Variants in MYRF observed in about 807,000 individuals in gnomAD.
The protein encoded by MYRF is myelin regulatory factor.
MYRF carries 16 observed loss-of-function variants against 126.3 expected under a neutral mutation model. The ratio of observed to expected loss-of-function variants is 0.13; its 90% CI spans 0.09 to 0.19. The LOEUF is 0.19. MYRF is among the 10% of genes least tolerant of loss of function. MYRF has a pLI of 1.00. For missense variants in MYRF, 1,104 were observed against 1,547.0 expected, an observed-to-expected ratio of 0.71 and a Z score of 4.80; for synonymous variants, 608 against 635.3, an observed-to-expected ratio of 0.96 and a Z score of 0.65.
chr11:61,763,543 C>A (rs2065960743), intron 1 of MYRF, among the ~76,000 whole-genome samples: 1 of 152,210 alleles, frequency 6.6e-6, no homozygotes, highest in East Asian at 1.9e-4. Flanking sequence ...AGGTGAAGAG[C>A]CTGCAGGATG....
At position 61,778,641 on chromosome 11, in the gene MYRF, C is replaced by A; in HGVS notation, c.2013+152C>A. ...TGCCTCCAGAGCGCCCTCTGCACCC[C>A]ACAGGGAAGGGGTGAGTGTTCAAGG... On this transcript the variant is annotated intron_variant, in intron 14 of 26. Coordinates refer to ENST00000278836, the MANE Select transcript of MYRF (RefSeq NM_001127392.3). This position sits in a 1 kb window ranked among gnomAD's most constrained non-coding sequence, Gnocchi z 4.6. 1.5e-6 allele frequency: 1 copy of A among 678,972 alleles called. No homozygotes were observed. Among genetic ancestry groups the A allele is most frequent in the Non-Finnish European group, 2.7e-6 (1 of 371,492 alleles). The allele number at this position is 678,972 out of a possible 1,614,324, so 42.1% of individuals were successfully genotyped here.
In MYRF at chr11:61,769,463, G is replaced by A. The variant is rs138572049; in HGVS notation, c.460+142G>A. 1.7e-4 allele frequency: 113 copies of A among 677,362 alleles called. 1 individual carries two copies. In the East Asian group the frequency reaches 2.7e-3, roughly 16 times the overall value. The allele number at this position is 677,362 out of a possible 1,614,324, so 42.0% of individuals were successfully genotyped here. On this transcript the variant is annotated intron_variant, in intron 4 of 26. Coordinates refer to ENST00000278836, the MANE Select transcript of MYRF (RefSeq NM_001127392.3). ...TATCGCTGGTCAAATACTCCCTGGC[G>A]CTTGGCTATTGTTTCCCCACGGGCG...
At chr11:61,784,107 G>T in intron 24 of MYRF, 173 bp from the exon 25 acceptor site, 1 of 957,756 alleles carries the variant, frequency 1.0e-6, no homozygotes, top group South Asian at 1.6e-5. Flanking sequence ...GGCCTCATGG[G>T]CTGAGGACCA....
Position 61,776,699 on chromosome 11 carries a change from T to A in MYRF, c.1500-88T>A, listed in dbSNP as rs1010697734. ...CGGGTTCCTCCTCTGTAGGAGGGGG[T>A]GAGATGAACATGCATCTGGCCAGGG... On this transcript the variant is annotated intron_variant, in intron 10 of 26. Coordinates refer to ENST00000278836, the MANE Select transcript of MYRF (RefSeq NM_001127392.3). The surrounding 1 kb of genome is among the most constrained non-coding windows in gnomAD (Gnocchi z 4.3). 1 of 1,062,830 alleles carries A rather than the reference T, an allele frequency of 9.4e-7. No individual in the cohort carries two copies. 65.8% of individuals were successfully genotyped at this position (1,062,830 alleles called of 1,614,324 possible).
chr11:61,785,400 C>T (rs1555067295), intron 25 of MYRF: 6 of 182,310 alleles, frequency 3.3e-5, no homozygotes, highest in Non-Finnish European at 5.8e-5. Flanking sequence ...TTTTGCCACA[C>T]TGTGTGATTT....
intron 18 of MYRF, 25 bp from the exon 19 acceptor site, chr11:61,780,687 C>T: frequency 6.5e-7 from 1 of 1,548,336 alleles, no homozygotes. Flanking sequence ...CCTGTCTCAC[C>T]CTTTGCCTTT....
At position 61,771,584 on chromosome 11, in the gene MYRF, C is replaced by G; in HGVS notation, c.825C>G (p.Ile275Met). The G allele has an allele frequency of 6.2e-7, 1 of 1,614,006 alleles. No homozygotes were observed. Among genetic ancestry groups the G allele is most frequent in the Non-Finnish European group, 8.5e-7 (1 of 1,179,982 alleles). ...ATGCCCAGATGCTGAATGGAATGATCAAACAGGAGCCTGGGACCGTGACAG... is the reference window on the plus strand; with the variant it reads ...ATGCCCAGATGCTGAATGGAATGATGAAACAGGAGCCTGGGACCGTGACAG... ...TLNAQMLNGM[I>M]KQEPGTVTAL... is the part of the protein sequence containing the mutation. Residue 275 changes from isoleucine to methionine, a missense_variant, in exon 6 of 27, where the codon ATC becomes ATG. Transcript: ENST00000278836.
intron 1 of MYRF, chr11:61,755,396 C>T (rs1167509463): frequency 6.2e-7 from 1 of 1,602,748 alleles, no homozygotes; most frequent in Admixed American, 1.7e-5. Flanking sequence ...GGGCACAGGG[C>T]CTGCAGAGAG....
intron 8 of MYRF, among the ~76,000 whole-genome samples, chr11:61,774,742 G>A (rs952991688): frequency 2.7e-5 from 4 of 149,654 alleles, no homozygotes; most frequent in Middle Eastern, 3.2e-3. Context: ...CCCCTTAAAC[G>A]TTAGACTCCT....
chr11:61,771,474 C>T (rs376523393), intron 5 of MYRF, 26 bp from the exon 6 acceptor site: 2 of 1,598,442 alleles, frequency 1.3e-6, no homozygotes, highest in Non-Finnish European at 1.7e-6. Flanking sequence ...AGCCAGCCCC[C>T]ACGGCGCACA....
intron 1 of MYRF, among the ~76,000 whole-genome samples, chr11:61,761,263 G>C (rs974857018): frequency 6.6e-5 from 10 of 151,772 alleles, no homozygotes; most frequent in Admixed American, 2.6e-4. Context: ...AGCTGGTGGG[G>C]GGGGGGGCAC....
At chr11:61,784,029 T>C in intron 24 of MYRF, 104 bp downstream of exon 24, 1 of 1,351,814 alleles carries the variant, frequency 7.4e-7, no homozygotes, top group Non-Finnish European at 1.0e-6. Flanking sequence ...GAGTCTCTGG[T>C]ATTTCCTGCA....
rs1264695161 is a variant in MYRF at position 61,778,809 on chromosome 11, G to A, written c.2013+320G>A. 1.8e-6 allele frequency: 1 copy of A among 566,894 alleles called. No individual in the cohort carries two copies. The allele number at this position is 566,894 out of a possible 1,614,324, so 35.1% of individuals were successfully genotyped here. On this transcript the variant is annotated intron_variant, in intron 14 of 26. Coordinates refer to ENST00000278836, the MANE Select transcript of MYRF (RefSeq NM_001127392.3). This position sits in a 1 kb window ranked among gnomAD's most constrained non-coding sequence, Gnocchi z 4.6. ...GACATCCTCGTATGGTTACCTCCAG[G>A]CTGAAATACGTGGTTTATTGTGAGG...
In MYRF at chr11:61,780,805, C is replaced by A. The variant is rs1249309638; in HGVS notation, c.2486+13C>A. The A allele has an allele frequency of 2.3e-5, 36 of 1,545,798 alleles. No homozygotes were observed. The highest frequency in any genetic ancestry group is 4.1e-5 in the African/African-American group (3 of 73,158). ...CCTTGTGCCCATGGTACGTGCTGACCAGCGCCCCTCTCCTCTGGCTCCTGC... is the reference window on the plus strand; with the variant it reads ...CCTTGTGCCCATGGTACGTGCTGACAAGCGCCCCTCTCCTCTGGCTCCTGC... On this transcript the variant is annotated intron_variant, in intron 19 of 26. Coordinates refer to ENST00000278836, the MANE Select transcript of MYRF (RefSeq NM_001127392.3).
intron 1 of MYRF, among the ~76,000 whole-genome samples, chr11:61,753,321 T>C (rs1166035308): frequency 6.6e-6 from 1 of 150,888 alleles, no homozygotes; most frequent in African/African-American, 2.4e-5. Context: ...CCCCCATGAC[T>C]TCTAGGAGCT....
chr11:61,752,875 T>A, intron 1 of MYRF, 85 bp downstream of exon 1: 1 of 1,293,864 alleles, frequency 7.7e-7, no homozygotes, highest in Non-Finnish European at 1.0e-6. Context: ...CTCCTCGCTG[T>A]GTTTCCGCCT....
intron 4 of MYRF, 57 bp downstream of exon 4, chr11:61,769,378 G>T: frequency 7.1e-7 from 1 of 1,404,852 alleles, no homozygotes; most frequent in South Asian, 1.2e-5. Flanking sequence ...AGTTGGGGCG[G>T]CCTTATCAGG....
In MYRF at chr11:61,770,247, G is replaced by A. The variant is rs1344349615; in HGVS notation, c.462G>A (p.Glu154=). 1.9e-6 allele frequency: 3 copies of A among 1,603,974 alleles called. No homozygotes were observed. The highest frequency in any genetic ancestry group is 2.5e-6 in the Non-Finnish European group (3 of 1,176,618). The part of the protein sequence containing the change: ...SEAYSPQQVN[E]PHLLRTITPE... ...CCCGCTCCCCCATCTCTCCTGCAGA[G>A]CCCCACCTCCTGCGCACGATAACCC... The change falls in exon 5 of 27, where the codon GAG becomes GAA. Residue 154 remains glutamate, a splice_region_variant and synonymous_variant. Transcript: ENST00000278836.
In MYRF at chr11:61,788,267, C is replaced by T. The variant is rs1311717043; in HGVS notation, c.*2124C>T. The T allele has an allele frequency of 6.6e-6, 1 of 152,356 alleles. No individual in the cohort carries two copies. Among genetic ancestry groups the T allele is most frequent in the African/African-American group, 2.4e-5 (1 of 41,424 alleles). The allele number at this position is 152,356 out of a possible 1,614,324, so 9.4% of individuals were successfully genotyped here. A position where few individuals can be genotyped will look rare whatever the true frequency, so the allele number is the denominator to read the frequency against. ...TAGCTTCAAGCTGTACATAGGGCCT[C>T]CCAGTGCAAATCCTCCTGCCCATAC... On this transcript the variant is annotated 3_prime_UTR_variant, in exon 27 of 27. Transcript: ENST00000278836.
Sources: allele counts gnomAD v4.1 joint callset (sites outside exome capture counted in the v4.1 genomes callset), GRCh38; gene constraint gnomAD v4.1.1; non-coding constraint Gnocchi (gnomAD v3.1); transcripts MANE v1.5; gene names NCBI Gene and HGNC (gene_info 2026-07-23, HGNC 2026-07-21).